NHSL1: variants seen among roughly 807,000 people sequenced by gnomAD.
NHSL1 encodes the protein NHS like 1, also known as NHS-like protein 1.
A neutral mutation model predicts 95.0 loss-of-function variants in NHSL1; 48 were observed. The observed-to-expected ratio is 0.51, with a 90% confidence interval of 0.40 to 0.64. NHSL1 has a LOEUF of 0.64. Among genes scored for constraint, NHSL1 ranks in the 30% least tolerant of loss-of-function variants. The pLI is 0.00. For missense variants in NHSL1, 1,971 were observed against 2,077.7 expected, an observed-to-expected ratio of 0.95 and a Z score of 1.00; for synonymous variants, 783 against 833.9, an observed-to-expected ratio of 0.94 and a Z score of 1.05.
chr6:138,466,034 T>TC (rs796992241), intron 3 of NHSL1, among the ~76,000 whole-genome samples: 106 of 126,378 alleles, frequency 8.4e-4, no homozygotes, highest in African/African-American at 3.2e-3. Flanking sequence ...CCACATACAC[T>TC]CCTTTTTGGG....
intron 3 of NHSL1, among the ~76,000 whole-genome samples, chr6:138,458,065 G>A (rs1323342335): frequency 6.6e-6 from 1 of 151,796 alleles, no homozygotes; most frequent in African/African-American, 2.4e-5. Flanking sequence ...ATGAACCACG[G>A]TTAGGAGTCT....
At chr6:138,545,936 C>T (rs1782776502), upstream of NHSL1, 1 of 593,850 alleles carries the variant, frequency 1.7e-6, no homozygotes. Flanking sequence ...GCAGATCAGC[C>T]CAAGGGCGAG....
chr6:138,534,935 T>G (rs1434166771), intron 1 of NHSL1, among the ~76,000 whole-genome samples: 15 of 152,216 alleles, frequency 9.9e-5, no homozygotes, highest in Non-Finnish European at 2.9e-5. Flanking sequence ...CAGCTGCAAG[T>G]TCTGTAGCTT....
At position 138,632,171 on chromosome 6, in the gene NHSL1, G is replaced by A. The variant is rs555251470; in HGVS notation, c.96+60305C>T. On this transcript the variant is annotated intron_variant, in intron 1 of 3. Coordinates refer to the NHSL1 transcript ENST00000491526. ...GGGAGGGAAAAGTGGGAAGGACTGC[G>A]TCTTGTGGTTTGAGTGCCAGTTGAG... Among the ~76,000 whole-genome samples the A allele has an allele frequency of 6.6e-5, 10 of 152,346 alleles. No homozygotes were observed. The South Asian group carries it at 1.2e-3, about 19-fold the overall frequency.
At chr6:138,558,448 G>A (rs1783283691) in intron 1 of NHSL1, among the ~76,000 whole-genome samples, 1 of 130,336 alleles carries the variant, frequency 7.7e-6, no homozygotes, top group Admixed American at 8.5e-5. Flanking sequence ...CCCTGAGACA[G>A]AGTCTCACTC....
chr6:138,493,627 A>T (rs372240111), intron 2 of NHSL1, among the ~76,000 whole-genome samples: 7 of 152,362 alleles, frequency 4.6e-5, no homozygotes, highest in African/African-American at 9.6e-5. Context: ...GTTGCTTAGG[A>T]GCTGGGCAGA....
chr6:138,613,790 G>A (rs1461056046), intron 1 of NHSL1, among the ~76,000 whole-genome samples: 3 of 152,198 alleles, frequency 2.0e-5, no homozygotes, highest in Non-Finnish European at 4.4e-5. Context: ...AAGCGAATTA[G>A]GCTGAGAAAG....
chr6:138,472,592 CTTATT>C (rs910677669), intron 3 of NHSL1, among the ~76,000 whole-genome samples: 27 of 152,260 alleles, frequency 1.8e-4, no homozygotes, highest in Middle Eastern at 3.4e-3. Flanking sequence ...TTCATCAAAT[CTTATT>C]TTAAGTAATT....
chr6:138,511,774 A>G (rs575676126), intron 1 of NHSL1, among the ~76,000 whole-genome samples: 2 of 152,308 alleles, frequency 1.3e-5, no homozygotes, highest in Non-Finnish European at 2.9e-5. Context: ...CGTCTCTACA[A>G]AAAATACAAA....
chr6:138,663,716 C>CA (rs1785259965), intron 1 of NHSL1, among the ~76,000 whole-genome samples: 1 of 151,928 alleles, frequency 6.6e-6, no homozygotes, highest in Non-Finnish European at 1.5e-5. Context: ...CTAAAAAATA[C>CA]AAAAAATAGC....
rs1775744511 is a variant in NHSL1 at position 138,432,267 on chromosome 6, C to T, written c.2078G>A (p.Gly693Glu). 2 of 1,550,776 alleles carry T rather than the reference C, an allele frequency of 1.3e-6. No individual in the cohort carries two copies. Residue 693 changes from glycine (G) to glutamate (E), a missense_variant, in exon 6 of 8, where the codon GGG (glycine) becomes GAG (glutamate). Transcript: ENST00000343505. The surrounding 1 kb of genome is among the most constrained non-coding windows in gnomAD (Gnocchi z 4.4). ...RIPKKSSQCN[G>E]QVLNESLIAT... ...GATCAGGCTCTCGTTGAGCACCTGC[C>T]CGTTGCACTGGCTGCTCTTCTTGGG...
At chr6:138,508,646 T>C (rs537225144) in intron 1 of NHSL1, among the ~76,000 whole-genome samples, 1 of 152,358 alleles carries the variant, frequency 6.6e-6, no homozygotes, top group East Asian at 1.9e-4. Context: ...TCCACCTCTA[T>C]GCCTTTGCAC....
intron 1 of NHSL1, among the ~76,000 whole-genome samples, chr6:138,510,624 AGAT>A (rs1781176517): frequency 6.6e-6 from 1 of 152,240 alleles, no homozygotes; most frequent in South Asian, 2.1e-4. Context: ...GCCTGACCTA[AGAT>A]GATATTTGAA....
intron 1 of NHSL1, among the ~76,000 whole-genome samples, chr6:138,662,977 A>T (rs1383947393): frequency 1.3e-5 from 2 of 151,060 alleles, no homozygotes; most frequent in East Asian, 1.9e-4. Flanking sequence ...GTGACCCAGG[A>T]ACTCTACTTT....
intron 1 of NHSL1, among the ~76,000 whole-genome samples, chr6:138,633,250 G>A (rs925510929): frequency 6.6e-6 from 1 of 152,202 alleles, no homozygotes; most frequent in Non-Finnish European, 1.5e-5. Context: ...AGAGGAGGTA[G>A]AGAAAGAGAC....
intron 3 of NHSL1, among the ~76,000 whole-genome samples, chr6:138,469,322 C>A (rs1583241620): frequency 6.6e-6 from 1 of 152,226 alleles, no homozygotes; most frequent in East Asian, 1.9e-4. Flanking sequence ...GTAGAGGGAC[C>A]TGCAGGAAGC....
chr6:138,523,677 A>C (rs1272815658), intron 1 of NHSL1, among the ~76,000 whole-genome samples: 1 of 151,300 alleles, frequency 6.6e-6, no homozygotes, highest in African/African-American at 2.4e-5. Flanking sequence ...CCAGGAATAG[A>C]AGACAGGAGA....
chr6:138,672,013 T>C (rs1180348888), intron 1 of NHSL1, among the ~76,000 whole-genome samples: 1 of 152,076 alleles, frequency 6.6e-6, no homozygotes, highest in Non-Finnish European at 1.5e-5. Context: ...TACCAATACT[T>C]AAAACTAAAA....
At chr6:138,628,953 CAGAACACTGACAAGACTGAGA>C (rs1399295164) in intron 1 of NHSL1, among the ~76,000 whole-genome samples, 1 of 152,158 alleles carries the variant, frequency 6.6e-6, no homozygotes, top group Non-Finnish European at 1.5e-5. Context: ...CAATTTTTAT[CAGAACACTGACAAGACTGAGA>C]AGAAAACATT....
Sources: allele counts gnomAD v4.1 joint callset (sites outside exome capture counted in the v4.1 genomes callset), GRCh38; gene constraint gnomAD v4.1.1; non-coding constraint Gnocchi (gnomAD v3.1); transcripts MANE v1.5; gene names NCBI Gene and HGNC (gene_info 2026-07-23, HGNC 2026-07-21).